The following PCGF3 variants were observed in gnomAD, a reference collection of about 807,000 sequenced individuals.
PCGF3 encodes the protein polycomb group RING finger protein 3.
In PCGF3, 7 loss-of-function variants were observed where a neutral mutation model predicts 33.1. The ratio of observed to expected loss-of-function variants is 0.21; its 90% CI spans 0.12 to 0.40. PCGF3 has a LOEUF of 0.40. Among genes scored for constraint, PCGF3 ranks in the 10% least tolerant of loss-of-function variants. PCGF3 has a pLI of 1.00. For missense variants in PCGF3, 211 were observed against 313.3 expected (o/e 0.67, Z 2.46); for synonymous variants, 153 against 121.3 (o/e 1.26, Z -1.72).
chr4:750,996 TC>T (rs1744486881), intron 8 of PCGF3, among the ~76,000 whole-genome samples: 2 of 152,196 alleles, frequency 1.3e-5, no homozygotes, highest in Non-Finnish European at 2.9e-5. Flanking sequence ...TTTGCACACA[TC>T]TCAGGTTCTC....
chr4:712,138 C>A (rs1013376193), intron 1 of PCGF3, among the ~76,000 whole-genome samples: 2 of 151,994 alleles, frequency 1.3e-5, no homozygotes, highest in Admixed American at 6.6e-5. Context: ...TTTTTAATTT[C>A]ATACATTGAT....
At chr4:743,529 A>G (rs1367124775) in exon 7 of PCGF3, 2 of 1,613,658 alleles carry the variant, frequency 1.2e-6, no homozygotes, top group East Asian at 2.2e-5. Flanking sequence ...AGGTGCCGGG[A>G]GACATCAAGG....
rs925696077 is a variant in PCGF3 at position 765,007 on chromosome 4, G to A, written c.624G>A (p.Glu208=). The A allele has an allele frequency of 5.0e-6, 8 of 1,613,870 alleles. No individual in the cohort carries two copies. In the African/African-American group the frequency reaches 1.1e-4, roughly 22 times the overall value. ...AGCTGGACATTTTATGCAACGAGGA[G>A]ATCCTGGGCAAGGACCACACACTCA... Residue 208 remains glutamate (E), a synonymous_variant, in exon 10 of 11, where the codon GAG becomes GAA. Transcript: ENST00000362003.
At chr4:711,467 T>G (rs868527037) in intron 1 of PCGF3, among the ~76,000 whole-genome samples, 1 of 142,248 alleles carries the variant, frequency 7.0e-6, no homozygotes, top group African/African-American at 2.5e-5. Flanking sequence ...TTTTTTTTTT[T>G]TGAGACGGAG....
At chr4:770,056 A>G (rs1577457378) in exon 11 of PCGF3, 2 of 152,578 alleles carry the variant, frequency 1.3e-5, no homozygotes, top group Admixed American at 6.5e-5. Flanking sequence ...AATTAATATT[A>G]TATGCTTGTA....
intron 3 of PCGF3, among the ~76,000 whole-genome samples, chr4:733,319 C>T (rs904790887): frequency 6.6e-6 from 1 of 152,218 alleles, no homozygotes; most frequent in African/African-American, 2.4e-5. Context: ...TCCTCCTGCT[C>T]CTTCCGCTTT....
chr4:713,056 T>C (rs1218152850), intron 1 of PCGF3, among the ~76,000 whole-genome samples: 1 of 144,810 alleles, frequency 6.9e-6, no homozygotes, highest in African/African-American at 2.6e-5. Flanking sequence ...TGGGGGGCTG[T>C]GTACCTCCTG....
intron 1 of PCGF3, among the ~76,000 whole-genome samples, chr4:711,186 G>A (rs1742546076): frequency 6.6e-6 from 1 of 152,204 alleles, no homozygotes. Context: ...TCTGGACTCT[G>A]GAGACCTCAG....
intron 6 of PCGF3, among the ~76,000 whole-genome samples, chr4:742,269 G>A (rs940018153): frequency 6.6e-6 from 1 of 151,856 alleles, no homozygotes; most frequent in Non-Finnish European, 1.5e-5. Flanking sequence ...GGCTCACGGG[G>A]CATCCTCCTC....
chr4:769,873 G>A (rs996920425), exon 11 of PCGF3: 1 of 152,670 alleles, frequency 6.6e-6, no homozygotes, highest in Non-Finnish European at 1.5e-5. Flanking sequence ...GTGTGGAGGT[G>A]ATCACGAAGA....
chr4:733,923 A>G (rs1743727080), intron 4 of PCGF3, 134 bp downstream of exon 4: 3 of 1,565,272 alleles, frequency 1.9e-6, no homozygotes, highest in Non-Finnish European at 2.6e-6. Context: ...CCAGGGGCAG[A>G]GACGATCTTG....
chr4:734,970 A>C, exon 5 of PCGF3: 1 of 1,613,718 alleles, frequency 6.2e-7, no homozygotes, highest in Non-Finnish European at 8.5e-7. Context: ...GAGGAGAACA[A>C]CACCTGCCCC....
intron 8 of PCGF3, among the ~76,000 whole-genome samples, chr4:760,429 CATCCACTGAG>C (rs139019156): frequency 0.2 from 31,131 of 151,978 alleles, 3,321 homozygotes; most frequent in African/African-American, 0.23. Context: ...GTGGTTCAGC[CATCCACTGAG>C]ATGTTAGTTT....
At chr4:710,566 G>C (rs922094609) in intron 1 of PCGF3, among the ~76,000 whole-genome samples, 12 of 152,234 alleles carry the variant, frequency 7.9e-5, no homozygotes, top group African/African-American at 2.9e-4. Flanking sequence ...GATTGCGTGT[G>C]GAGTGACGTG....
At chr4:758,751 GC>G in intron 8 of PCGF3, among the ~76,000 whole-genome samples, 1 of 27,494 alleles carries the variant, frequency 3.6e-5, no homozygotes, top group South Asian at 2.3e-3. Context: ...CCTCTCCCGA[GC>G]TCTTCTTGCT....
intron 8 of PCGF3, among the ~76,000 whole-genome samples, chr4:749,186 T>G (rs531873197): frequency 6.6e-6 from 1 of 152,354 alleles, no homozygotes; most frequent in African/African-American, 2.4e-5. Context: ...TTTTTTGAGA[T>G]GAAGTTTTGC....
intron 8 of PCGF3, among the ~76,000 whole-genome samples, chr4:753,405 A>C (rs1180177138): frequency 6.6e-6 from 1 of 152,212 alleles, no homozygotes. Flanking sequence ...CCGTAATCCC[A>C]GCATATTGGG....
At chr4:741,661 C>T (rs1418684406) in intron 6 of PCGF3, among the ~76,000 whole-genome samples, 2 of 152,210 alleles carry the variant, frequency 1.3e-5, no homozygotes. Context: ...CCCGCCTCAG[C>T]CTCCCACAGT....
At chr4:767,310 A>G (rs551477307) in exon 11 of PCGF3, 14 of 151,046 alleles carry the variant, frequency 9.3e-5, no homozygotes, top group African/African-American at 2.4e-4. Flanking sequence ...ACAGCCACAC[A>G]CACATTTTTT....
Sources: allele counts gnomAD v4.1 joint callset (sites outside exome capture counted in the v4.1 genomes callset), GRCh38; gene constraint gnomAD v4.1.1; transcripts MANE v1.5; gene names NCBI Gene and HGNC (gene_info 2026-07-23, HGNC 2026-07-21).